Variants in CACNA2D3 observed in about 807,000 individuals in gnomAD.
CACNA2D3 encodes the protein voltage-dependent calcium channel subunit alpha-2/delta-3.
Under a neutral mutation model 160.6 loss-of-function variants are expected in CACNA2D3, and 60 were observed. That is an observed-to-expected ratio of 0.37 (90% CI 0.30 to 0.46). CACNA2D3 has a LOEUF of 0.46. Among genes scored for constraint, CACNA2D3 ranks in the 20% least tolerant of loss-of-function variants. CACNA2D3 has a pLI of 1.00. For synonymous variants in CACNA2D3, 558 were observed against 492.9 expected (o/e 1.13, Z -1.75); for missense variants, 1,205 against 1,365.0 (o/e 0.88, Z 1.85).
intron 9 of CACNA2D3, chr3:54,626,744 T>G (rs1055326749): frequency 1.5e-6 from 1 of 666,778 alleles, no homozygotes; most frequent in African/African-American, 1.9e-5. Flanking sequence ...ATGCAGTGAC[T>G]GGAAAGCAAA....
intron 27 of CACNA2D3, among the ~76,000 whole-genome samples, chr3:54,964,805 G>A (rs1702107150): frequency 6.6e-6 from 1 of 151,546 alleles, no homozygotes; most frequent in Admixed American, 6.6e-5. Flanking sequence ...TGTTGGGGGA[G>A]AGGGTTATTC....
At chr3:54,543,189 G>T (rs964656944) in intron 5 of CACNA2D3, among the ~76,000 whole-genome samples, 1 of 152,186 alleles carries the variant, frequency 6.6e-6, no homozygotes, top group African/African-American at 2.4e-5. Context: ...CTATACTGCT[G>T]TTACAGATCA....
rs1701916886 is a variant in CACNA2D3 at position 54,538,094 on chromosome 3, T to G, written c.545-24706T>G. On this transcript the variant is annotated intron_variant, in intron 5 of 37. Coordinates refer to ENST00000474759, the MANE Select transcript of CACNA2D3 (RefSeq NM_018398.3). ...TCAGGAGGTGATCTGGGCTCTGGTA[T>G]CAAACCTGCTGAGAACCAGCTTCAG... is the stretch of plus-strand genomic sequence containing the variant. Among the ~76,000 whole-genome samples the G allele has an allele frequency of 2.6e-5, 4 of 152,084 alleles. No individual in the cohort carries two copies. The South Asian group carries it at 8.3e-4, about 32-fold the overall frequency.
rs554851240 is a variant in CACNA2D3, at chr3:54,149,883, GTCTCTC to G, written c.204+26332_204+26337del. The stretch of plus-strand genomic sequence containing the variant: ...CAGAGAGGGCTGTCCTGAAGTATCT[GTCTCTC>G]TCTCTCTCTCTCTCTCTCTCTCTCT... On this transcript the variant is annotated intron_variant, in intron 2 of 37. Coordinates refer to ENST00000474759, the MANE Select transcript of CACNA2D3 (RefSeq NM_018398.3). 5.4e-3 allele frequency among the ~76,000 whole-genome samples: 326 copies of G among 60,690 alleles called. 1 individual carries two copies. Among genetic ancestry groups the G allele is most frequent in the South Asian group, 9.0e-3 (12 of 1,338 alleles). 39.8% of individuals were successfully genotyped at this position (60,690 alleles called of 152,430 possible). A position where few individuals can be genotyped will look rare whatever the true frequency, so the allele number is the denominator to read the frequency against.
At chr3:54,409,457 A>G (rs1699630294) in intron 4 of CACNA2D3, among the ~76,000 whole-genome samples, 1 of 152,224 alleles carries the variant, frequency 6.6e-6, no homozygotes, top group African/African-American at 2.4e-5. Context: ...TATTGAAATT[A>G]GGCCAATTAA....
intron 9 of CACNA2D3, among the ~76,000 whole-genome samples, chr3:54,607,233 A>G (rs922212266): frequency 6.6e-6 from 1 of 151,984 alleles, no homozygotes; most frequent in African/African-American, 2.4e-5. Context: ...GTCCCTCTAG[A>G]TCTGTTTCTC....
At position 54,687,115 on chromosome 3, in the gene CACNA2D3, C is replaced by CTTTTTTTTTTTTTTTTTTTTTTT. The variant is rs1338617031; in HGVS notation, c.1167+44879_1167+44880insTTTTTTTTTTTTTTTTTTTTTTT. Among the ~76,000 whole-genome samples, 4 of 40,884 alleles carry CTTTTTTTTTTTTTTTTTTTTTTT rather than the reference C, an allele frequency of 9.8e-5. 1 individual carries two copies. Among genetic ancestry groups the CTTTTTTTTTTTTTTTTTTTTTTT allele is most frequent in the Non-Finnish European group, 1.5e-4 (3 of 19,640 alleles). The allele number at this position is 40,884 out of a possible 152,430, so 26.8% of individuals were successfully genotyped here. A position where few individuals can be genotyped will look rare whatever the true frequency, so the allele number is the denominator to read the frequency against. On this transcript the variant is annotated intron_variant, in intron 11 of 37. Transcript: ENST00000474759. ...TTATTCAAATCGGATTTTTCTTTTTCTTTTTCTTTTTTTTTTTTTGTTTTT... is the reference window on the plus strand; with the variant it reads ...TTATTCAAATCGGATTTTTCTTTTTCTTTTTTTTTTTTTTTTTTTTTTTTTTTTCTTTTTTTTTTTTTGTTTTT...
intron 4 of CACNA2D3, among the ~76,000 whole-genome samples, chr3:54,419,388 G>A (rs1433025550): frequency 4.6e-5 from 7 of 152,214 alleles, no homozygotes; most frequent in Non-Finnish European, 1.0e-4. Context: ...CCAGCTGACT[G>A]CTCAGTTTCA....
At chr3:54,303,962 C>T (rs977158111) in intron 2 of CACNA2D3, among the ~76,000 whole-genome samples, 46 of 152,024 alleles carry the variant, frequency 3.0e-4, no homozygotes, top group African/African-American at 1.1e-3. Context: ...TGGAGGGACA[C>T]TGGGTTTGAG....
intron 3 of CACNA2D3, among the ~76,000 whole-genome samples, chr3:54,326,260 C>T (rs1575396546): frequency 6.6e-6 from 1 of 152,132 alleles, no homozygotes. Context: ...ATGGATTTTT[C>T]TCTCTGCAGA....
chr3:54,844,381 G>T (rs1698888282), intron 16 of CACNA2D3, among the ~76,000 whole-genome samples: 1 of 152,130 alleles, frequency 6.6e-6, no homozygotes. Context: ...GGCATAAAGG[G>T]GCAATAAGGA....
At chr3:54,438,789 G>A (rs1700097708) in intron 4 of CACNA2D3, among the ~76,000 whole-genome samples, 1 of 152,186 alleles carries the variant, frequency 6.6e-6, no homozygotes, top group Admixed American at 6.5e-5. Context: ...ATAGATTGGT[G>A]ATCATCTTTA....
chr3:54,520,805 C>A (rs1575501207), intron 5 of CACNA2D3, among the ~76,000 whole-genome samples: 1 of 152,170 alleles, frequency 6.6e-6, no homozygotes, highest in Admixed American at 6.5e-5. Flanking sequence ...AACGAATGAT[C>A]TTTCTGTCCC....
At chr3:54,975,785 C>G (rs755890814) in intron 29 of CACNA2D3, among the ~76,000 whole-genome samples, 1 of 152,078 alleles carries the variant, frequency 6.6e-6, no homozygotes, top group Admixed American at 6.5e-5. Context: ...TCCCCCTAAA[C>G]TATGTCTTGG....
chr3:54,581,997 C>A, intron 9 of CACNA2D3, 120 bp downstream of exon 9: 1 of 698,620 alleles, frequency 1.4e-6, no homozygotes, highest in Non-Finnish European at 2.4e-6. Context: ...CCCTTGGAGC[C>A]CCCATGTGTA....
At chr3:54,557,134 CT>C (rs779330327) in intron 5 of CACNA2D3, among the ~76,000 whole-genome samples, 7 of 152,142 alleles carry the variant, frequency 4.6e-5, no homozygotes, top group Non-Finnish European at 8.8e-5. Flanking sequence ...AATCAATACA[CT>C]GTGATTATGT....
intron 2 of CACNA2D3, among the ~76,000 whole-genome samples, chr3:54,173,721 T>C (rs1313147400): frequency 1.3e-5 from 2 of 152,232 alleles, no homozygotes; most frequent in Non-Finnish European, 2.9e-5. Flanking sequence ...CTTTGCACTT[T>C]CCAGCCCCAG....
chr3:54,255,903 A>C (rs184345502), intron 2 of CACNA2D3, among the ~76,000 whole-genome samples: 4 of 152,308 alleles, frequency 2.6e-5, no homozygotes, highest in Non-Finnish European at 5.9e-5. Context: ...AAATGGATAC[A>C]TGAGGTTAAG....
chr3:55,058,809 A>C (rs534079526), intron 35 of CACNA2D3, among the ~76,000 whole-genome samples: 2 of 152,288 alleles, frequency 1.3e-5, no homozygotes, highest in South Asian at 4.1e-4. Context: ...TCTGAGGCCA[A>C]ATGGCCTGGG....
Sources: allele counts gnomAD v4.1 joint callset (sites outside exome capture counted in the v4.1 genomes callset), GRCh38; gene constraint gnomAD v4.1.1; transcripts MANE v1.5; gene names NCBI Gene and HGNC (gene_info 2026-07-23, HGNC 2026-07-21).